The following CDH8 variants were observed in gnomAD, a reference collection of about 807,000 sequenced individuals.
The protein encoded by CDH8 is cadherin-8.
In CDH8, 17 loss-of-function variants were observed where a neutral mutation model predicts 68.1. That is an observed-to-expected ratio of 0.25 (90% CI 0.17 to 0.37). The LOEUF is 0.37. CDH8 is among the 10% of genes least tolerant of loss of function. The pLI is 1.00. For missense variants in CDH8, 763 were observed against 999.3 expected, an observed-to-expected ratio of 0.76 and a Z score of 3.19; for synonymous variants, 372 against 365.1, an observed-to-expected ratio of 1.02 and a Z score of -0.21.
At chr16:61,667,705 A>G (rs1963706364) in intron 10 of CDH8, 1 of 151,996 alleles carries the variant, frequency 6.6e-6, no homozygotes, top group African/African-American at 2.4e-5. Context: ...TACACTTTCC[A>G]GTTTGGGATT....
At chr16:61,697,447 C>T (rs1027567591) in intron 10 of CDH8, among the ~76,000 whole-genome samples, 2 of 151,890 alleles carry the variant, frequency 1.3e-5, no homozygotes, top group Non-Finnish European at 2.9e-5. Context: ...ATCTCTTATC[C>T]ACAAACACCA....
At position 62,002,665 on chromosome 16, in the gene CDH8, C is replaced by T. The variant is rs181669949; in HGVS notation, c.252+18487G>A. ...AAATAAACTTCTTTTTGTAAAATACCCCATTTTTTATAAGAACAAGTCAAT... is the reference window on the plus strand; with the variant it reads ...AAATAAACTTCTTTTTGTAAAATACTCCATTTTTTATAAGAACAAGTCAAT... On this transcript the variant is annotated intron_variant, in intron 2 of 11. Coordinates refer to ENST00000577390, the MANE Select transcript of CDH8 (RefSeq NM_001796.5). Among the ~76,000 whole-genome samples, 281 of 152,114 alleles carry T rather than the reference C, an allele frequency of 1.8e-3. 1 individual carries two copies. The highest frequency in any genetic ancestry group is 6.5e-3 in the African/African-American group (270 of 41,504).
intron 9 of CDH8, among the ~76,000 whole-genome samples, chr16:61,717,982 C>CGT (rs1964762713): frequency 6.6e-6 from 1 of 151,196 alleles, no homozygotes; most frequent in Non-Finnish European, 1.5e-5. Flanking sequence ...TATATATACA[C>CGT]ACATACATGT....
intron 10 of CDH8, among the ~76,000 whole-genome samples, chr16:61,706,698 G>A (rs1221894462): frequency 4.0e-5 from 6 of 151,340 alleles, no homozygotes; most frequent in African/African-American, 9.7e-5. Flanking sequence ...CACAGAAGAC[G>A]GAAGAGAATA....
At chr16:61,843,697 G>A (rs990821950) in intron 4 of CDH8, among the ~76,000 whole-genome samples, 1 of 152,106 alleles carries the variant, frequency 6.6e-6, no homozygotes, top group African/African-American at 2.4e-5. Flanking sequence ...GTTTATATGT[G>A]TGCAAGTGTC....
chr16:61,795,440 TG>T (rs1304780302), intron 7 of CDH8, among the ~76,000 whole-genome samples: 1 of 152,214 alleles, frequency 6.6e-6, no homozygotes, highest in Non-Finnish European at 1.5e-5. Flanking sequence ...ACTCTCAGGT[TG>T]GTGCAAAAGT....
chr16:61,826,038 C>T (rs1962324879), intron 4 of CDH8, among the ~76,000 whole-genome samples: 1 of 151,744 alleles, frequency 6.6e-6, no homozygotes, highest in Non-Finnish European at 1.5e-5. Flanking sequence ...TCTCTACCTC[C>T]ACATATTTTT....
At chr16:61,721,440 G>A (rs992370617) in intron 9 of CDH8, among the ~76,000 whole-genome samples, 1 of 150,736 alleles carries the variant, frequency 6.6e-6, no homozygotes, top group Non-Finnish European at 1.5e-5. Flanking sequence ...GTTATAAAGT[G>A]CCATAACTTC....
At position 61,837,521 on chromosome 16, in the gene CDH8, A is replaced by G. The variant is rs889265838; in HGVS notation, c.668-12342T>C. Among the ~76,000 whole-genome samples, 15 of 151,944 alleles carry G rather than the reference A, an allele frequency of 9.9e-5. 1 individual carries two copies. In the South Asian group the frequency reaches 1.9e-3, roughly 19 times the overall value. ...ATCAAACAACTACTGCATATCAAAC[A>G]CTGTTTCAGATAAAGACAGAGAAGG... On this transcript the variant is annotated intron_variant, in intron 4 of 11. Coordinates refer to ENST00000577390, the MANE Select transcript of CDH8 (RefSeq NM_001796.5).
chr16:61,747,076 G>C (rs981386688), intron 8 of CDH8, among the ~76,000 whole-genome samples: 2 of 152,028 alleles, frequency 1.3e-5, no homozygotes, highest in Admixed American at 6.6e-5. Context: ...TTGGATATAT[G>C]CGAATGTAAA....
chr16:61,749,764 G>C (rs554714450), intron 8 of CDH8, among the ~76,000 whole-genome samples: 1 of 151,916 alleles, frequency 6.6e-6, no homozygotes, highest in African/African-American at 2.4e-5. Context: ...ACCTTCCTCT[G>C]AGATCCTGAT....
chr16:61,723,188 G>T (rs1377123401), intron 9 of CDH8, among the ~76,000 whole-genome samples: 1 of 150,740 alleles, frequency 6.6e-6, no homozygotes, highest in Non-Finnish European at 1.5e-5. Flanking sequence ...GTCCAAGAAA[G>T]ATCCTACTAA....
At chr16:61,764,607 T>C (rs1352575173) in intron 8 of CDH8, among the ~76,000 whole-genome samples, 1 of 152,098 alleles carries the variant, frequency 6.6e-6, no homozygotes, top group Non-Finnish European at 1.5e-5. Flanking sequence ...TCCTAGTCTC[T>C]CATATCATGA....
At chr16:61,853,824 C>T (rs559189194) in intron 4 of CDH8, among the ~76,000 whole-genome samples, 1 of 152,134 alleles carries the variant, frequency 6.6e-6, no homozygotes, top group South Asian at 2.1e-4. Context: ...TTTTTAAAAT[C>T]AACGTATATA....
At chr16:62,013,690 G>A (rs1901871420) in intron 2 of CDH8, among the ~76,000 whole-genome samples, 1 of 152,066 alleles carries the variant, frequency 6.6e-6, no homozygotes, top group Non-Finnish European at 1.5e-5. Context: ...TCTGTCACGT[G>A]AATATGCAAT....
At chr16:61,919,171 CCAT>C (rs1249967166) in intron 2 of CDH8, among the ~76,000 whole-genome samples, 1 of 145,068 alleles carries the variant, frequency 6.9e-6, no homozygotes, top group Non-Finnish European at 1.5e-5. Context: ...CTGTACATCA[CCAT>C]CATCAAAGAC....
chr16:61,709,528 C>A (rs1445658235), intron 10 of CDH8, among the ~76,000 whole-genome samples: 1 of 152,008 alleles, frequency 6.6e-6, no homozygotes, highest in Non-Finnish European at 1.5e-5. Context: ...TGATGGTAGT[C>A]AAAAATGCAA....
Position 61,841,586 on chromosome 16 carries a change from T to G in CDH8, c.667+15533A>C, listed in dbSNP as rs568232613. Among the ~76,000 whole-genome samples, 181 of 152,214 alleles carry G rather than the reference T, an allele frequency of 1.2e-3. 2 individuals carry two copies. Among genetic ancestry groups the G allele is most frequent in the Non-Finnish European group, 1.8e-3 (121 of 68,010 alleles). ...CTAGAAAATAAATTGAAAAAATAAG[T>G]AAGACCTACTATTTGATAGCACAAT... is the stretch of plus-strand genomic sequence containing the variant. On this transcript the variant is annotated intron_variant, in intron 4 of 11. Transcript: ENST00000577390.
At chr16:61,968,129 A>G (rs1352319675) in intron 2 of CDH8, among the ~76,000 whole-genome samples, 2 of 152,146 alleles carry the variant, frequency 1.3e-5, no homozygotes, top group African/African-American at 4.8e-5. Context: ...TTTAAGAACA[A>G]TGGTTCTTTA....
Sources: allele counts gnomAD v4.1 joint callset (sites outside exome capture counted in the v4.1 genomes callset), GRCh38; gene constraint gnomAD v4.1.1; transcripts MANE v1.5; gene names NCBI Gene and HGNC (gene_info 2026-07-23, HGNC 2026-07-21).